Variants in SLC41A3 observed in about 807,000 individuals in gnomAD.
The protein encoded by SLC41A3 is solute carrier family 41 member 3.
A neutral mutation model predicts 45.4 loss-of-function variants in SLC41A3; 44 were observed. The ratio of observed to expected loss-of-function variants is 0.97; its 90% CI spans 0.76 to 1.25. The LOEUF (loss-of-function observed/expected upper bound fraction) is 1.25, where lower values mean the gene tolerates loss of function less well. Among genes scored for constraint, SLC41A3 ranks in the 50% most tolerant of loss-of-function variants. SLC41A3 has a pLI of 0.00. For synonymous variants in SLC41A3, 256 were observed against 252.4 expected, an observed-to-expected ratio of 1.01 and a Z score of -0.13; for missense variants, 550 against 600.6, an observed-to-expected ratio of 0.92 and a Z score of 0.88.
Position 126,035,591 on chromosome 3 carries a change from G to A in SLC41A3, c.382-1913C>T, listed in dbSNP as rs896684921. 3.9e-5 allele frequency among the ~76,000 whole-genome samples: 6 copies of A among 152,376 alleles called. No homozygotes were observed. The East Asian group carries it at 7.7e-4, about 20-fold the overall frequency. ...ATAACTGAGGGTGAAAAGCCAATGC[G>A]CAGGGCAAGGGAGCCGATGGAAATT... On this transcript the variant is annotated intron_variant, in intron 3 of 10. Coordinates refer to ENST00000360370, the MANE Select transcript of SLC41A3 (RefSeq NM_017836.4).
At chr3:126,043,364 T>C (rs866683069) in intron 3 of SLC41A3, among the ~76,000 whole-genome samples, 1 of 152,268 alleles carries the variant, frequency 6.6e-6, no homozygotes, top group Middle Eastern at 3.4e-3. Flanking sequence ...GAGTTCATTA[T>C]TACTAGATCT....
At position 126,022,931 on chromosome 3, in the gene SLC41A3, C is replaced by T. The variant is rs773351727; in HGVS notation, c.600G>A (p.Gly200=). The T allele has an allele frequency of 1.9e-6, 3 of 1,613,898 alleles. No individual in the cohort carries two copies. Among genetic ancestry groups the T allele is most frequent in the Non-Finnish European group, 2.5e-6 (3 of 1,179,950 alleles). The stretch of plus-strand genomic sequence containing the variant: ...CAATCACTATACAGACCATCAGCAC[C>T]CCTGCAGAGAGAGAGAGGAGAAACA... ...LTAFLAAFAL[G]VLMVCIVIGA... The change falls in exon 6 of 11, where the codon GGG becomes GGA. Residue 200 remains glycine (G), a splice_region_variant and synonymous_variant. Transcript: ENST00000360370.
rs935778411 is a variant in SLC41A3, at chr3:126,050,774, G to C, written c.381+169C>G. On this transcript the variant is annotated intron_variant, in intron 3 of 10. Coordinates refer to ENST00000360370, the MANE Select transcript of SLC41A3 (RefSeq NM_017836.4). The stretch of plus-strand genomic sequence containing the variant: ...TCCAGTTTGGTAGTGGAAAGCCAAG[G>C]CATTGGGCTGGGAGAGGGACAAGGG... The C allele has an allele frequency of 6.6e-6, 8 of 1,204,992 alleles. No individual in the cohort carries two copies. In the South Asian group the frequency reaches 1.8e-4, roughly 27 times the overall value. The allele number at this position is 1,204,992 out of a possible 1,614,324, so 74.6% of individuals were successfully genotyped here.
upstream of SLC41A3, among the ~76,000 whole-genome samples, chr3:126,088,531 G>C (rs1456234005): frequency 6.6e-6 from 1 of 152,110 alleles, no homozygotes; most frequent in Non-Finnish European, 1.5e-5. Flanking sequence ...GATTTTGCCA[G>C]AAAAGGAAAG....
intron 9 of SLC41A3, among the ~76,000 whole-genome samples, chr3:126,011,215 T>C (rs189467464): frequency 1.5e-3 from 230 of 151,428 alleles, no homozygotes; most frequent in Non-Finnish European, 2.4e-3. Flanking sequence ...AGCAAAGAAA[T>C]AGAAAGTCTC....
At chr3:126,099,240 A>C (rs955024925) in intron 1 of SLC41A3, among the ~76,000 whole-genome samples, 1 of 152,186 alleles carries the variant, frequency 6.6e-6, no homozygotes, top group Admixed American at 6.5e-5. Context: ...AATTCAAGTT[A>C]GTGCTCCAGA....
intron 1 of SLC41A3, chr3:126,095,152 A>G (rs1369206969): frequency 1.1e-5 from 7 of 611,406 alleles, no homozygotes; most frequent in Admixed American, 5.4e-5. Flanking sequence ...AGGTAAAATA[A>G]TAACTTGGGG....
chr3:126,014,048 T>C (rs552387008), intron 8 of SLC41A3, among the ~76,000 whole-genome samples: 2 of 152,032 alleles, frequency 1.3e-5, no homozygotes, highest in East Asian at 1.9e-4. Context: ...ATTCCTTCTG[T>C]GGGGGCAGAT....
intron 2 of SLC41A3, among the ~76,000 whole-genome samples, chr3:126,057,617 C>T (rs1267323659): frequency 6.6e-6 from 1 of 152,230 alleles, no homozygotes; most frequent in Non-Finnish European, 1.5e-5. Flanking sequence ...TCCCGTCGGA[C>T]TATCCCAGGC....
chr3:126,051,945 C>T (rs1011801450), intron 2 of SLC41A3, among the ~76,000 whole-genome samples: 28 of 152,138 alleles, frequency 1.8e-4, no homozygotes, highest in Non-Finnish European at 2.5e-4. Flanking sequence ...ATCCACCCAG[C>T]CCCTAGGGAC....
chr3:126,024,849 G>C (rs1367988152), intron 5 of SLC41A3: 3 of 152,200 alleles, frequency 2.0e-5, no homozygotes, highest in Admixed American at 2.0e-4. Context: ...TATAAGCCTG[G>C]CCCTGGTTTA....
At chr3:126,070,234 C>G (rs113072423) in intron 1 of SLC41A3, 2 of 152,340 alleles carry the variant, frequency 1.3e-5, no homozygotes, top group Non-Finnish European at 2.9e-5. Context: ...CCCCAACCCC[C>G]GTTGGGAACT....
chr3:126,085,342 C>T (rs11706188), upstream of SLC41A3: 1 of 152,076 alleles, frequency 6.6e-6, no homozygotes, highest in African/African-American at 2.4e-5. Context: ...CAATAAATCT[C>T]TTCAAATATT....
rs1559797380 is a variant in SLC41A3 at position 126,006,578 on chromosome 3, CAAGT to C, written c.*434_*437del. 1.3e-6 allele frequency: 2 copies of C among 1,589,034 alleles called. No homozygotes were observed. The highest frequency in any genetic ancestry group is 1.7e-6 in the Non-Finnish European group (2 of 1,173,314). On this transcript the variant is annotated 3_prime_UTR_variant, in exon 11 of 11. Transcript: ENST00000360370. ...CGGAGCTTGAACCTGGTGAAGACAGCAAGTAAGCCACAGCTCAAGAGTTCTGAGG... is the reference window on the plus strand; with the variant it reads ...CGGAGCTTGAACCTGGTGAAGACAGCAAGCCACAGCTCAAGAGTTCTGAGG...
chr3:126,068,271 A>G lies in SLC41A3; in HGVS notation c.-27-25T>C, dbSNP rs749048298. The stretch of plus-strand genomic sequence containing the variant: ...CCTACAGTGGGAGACACAAAGTTGT[A>G]GGGCCAAGTTCCTGATTCCCATGGC... On this transcript the variant is annotated intron_variant, in intron 1 of 10. Transcript: ENST00000360370. 3.4e-6 allele frequency: 5 copies of G among 1,475,158 alleles called. No homozygotes were observed. The African/African-American group carries it at 7.0e-5, about 21-fold the overall frequency. The allele number at this position is 1,475,158 out of a possible 1,614,324, so 91.4% of individuals were successfully genotyped here.
intron 2 of SLC41A3, among the ~76,000 whole-genome samples, chr3:126,063,706 G>A (rs139478681): frequency 2.1e-3 from 326 of 152,302 alleles, no homozygotes; most frequent in African/African-American, 7.6e-3. Flanking sequence ...AGTCACTCCT[G>A]ATCCTCTCTA....
intron 4 of SLC41A3, among the ~76,000 whole-genome samples, chr3:126,029,578 C>A (rs1257024595): frequency 6.6e-6 from 1 of 152,152 alleles, no homozygotes; most frequent in Non-Finnish European, 1.5e-5. Context: ...TATAGCAATG[C>A]AAAATGAACT....
In SLC41A3 at chr3:126,044,895, C is replaced by CAAAAAAAAAAAAAAAAAAAAAAA. The variant is rs57581225; in HGVS notation, c.381+6025_381+6047dup. On this transcript the variant is annotated intron_variant, in intron 3 of 10. Transcript: ENST00000360370. ...TGGGCGACAGAGCGAGACTCCATCT[C>CAAAAAAAAAAAAAAAAAAAAAAA]AAAAAAAAAAAAAAAAAAAAAAAAA... Among the ~76,000 whole-genome samples, 9 of 82,718 alleles carry CAAAAAAAAAAAAAAAAAAAAAAA rather than the reference C, an allele frequency of 1.1e-4. 4 individuals carry two copies. The highest frequency in any genetic ancestry group is 4.2e-4 in the African/African-American group (7 of 16,564). The allele number at this position is 82,718 out of a possible 152,430, so 54.3% of individuals were successfully genotyped here. A position where few individuals can be genotyped will look rare whatever the true frequency, so the allele number is the denominator to read the frequency against.
chr3:126,040,801 T>G (rs959927264), intron 3 of SLC41A3, among the ~76,000 whole-genome samples: 1 of 152,102 alleles, frequency 6.6e-6, no homozygotes, highest in African/African-American at 2.4e-5. Context: ...AGGGCAGTAT[T>G]CACAGATCTA....
Sources: allele counts gnomAD v4.1 joint callset (sites outside exome capture counted in the v4.1 genomes callset), GRCh38; gene constraint gnomAD v4.1.1; transcripts MANE v1.5; gene names NCBI Gene and HGNC (gene_info 2026-07-23, HGNC 2026-07-21).